Variants in EDA observed in about 807,000 individuals in gnomAD.
EDA encodes the protein ectodysplasin A, also known as ectodysplasin-A.
Under a neutral mutation model 23.6 loss-of-function variants are expected in EDA, and 2 were observed. The observed-to-expected ratio is 0.08, with a 90% confidence interval of 0.03 to 0.27. The LOEUF is 0.27. Ranked by LOEUF, EDA falls within the 10% of genes least tolerant of loss-of-function variation. The pLI is 1.00. For synonymous variants in EDA, 131 were observed against 132.0 expected (o/e 0.99, Z 0.05); for missense variants, 229 against 324.2 (o/e 0.71, Z 2.26).
intron 1 of EDA, among the ~76,000 whole-genome samples, chrX:69,839,086 C>G (rs989269931): frequency 8.9e-6 from 1 of 112,048 alleles, no homozygotes; most frequent in African/African-American, 3.2e-5. Flanking sequence ...TTAGGTCAGA[C>G]CATCCCAATT....
intron 1 of EDA, among the ~76,000 whole-genome samples, chrX:69,835,563 CAGGTCATTTA>C (rs2016750543): frequency 8.9e-6 from 1 of 111,954 alleles, no homozygotes; most frequent in African/African-American, 3.2e-5. Flanking sequence ...TCAGCTCCAT[CAGGTCATTTA>C]AGGTCTTCTC....
intron 1 of EDA, among the ~76,000 whole-genome samples, chrX:69,799,958 G>A (rs1368675662): frequency 1.8e-5 from 2 of 112,155 alleles, no homozygotes; most frequent in Admixed American, 9.5e-5. Flanking sequence ...ATCAAGATAC[G>A]GAGTCAACCT....
intron 1 of EDA, among the ~76,000 whole-genome samples, chrX:69,642,591 A>C (rs748190221): frequency 9.0e-6 from 1 of 111,478 alleles, no homozygotes; most frequent in African/African-American, 3.2e-5. Flanking sequence ...CAGAGTAGAA[A>C]GCTTTGAATT....
chrX:69,917,137 T>C (rs2018358428), intron 1 of EDA, among the ~76,000 whole-genome samples: 1 of 110,868 alleles, frequency 9.0e-6, no homozygotes, highest in Non-Finnish European at 1.9e-5. Context: ...GGTTTTGCCA[T>C]GTTGGCCAGG....
intron 1 of EDA, among the ~76,000 whole-genome samples, chrX:69,730,037 A>AT (rs975119093): frequency 1.8e-5 from 2 of 110,734 alleles, no homozygotes; most frequent in African/African-American, 3.3e-5. Context: ...AATTTTTAAA[A>AT]TTTTTTTGTG....
chrX:69,698,104 G>A (rs2011414891), intron 1 of EDA, among the ~76,000 whole-genome samples: 1 of 111,798 alleles, frequency 8.9e-6, no homozygotes, highest in Admixed American at 9.5e-5. Flanking sequence ...AGCCCAAGTG[G>A]CAGGACCGTG....
At chrX:69,895,124 G>A (rs983736554) in intron 1 of EDA, among the ~76,000 whole-genome samples, 13 of 111,140 alleles carry the variant, frequency 1.2e-4, no homozygotes, top group African/African-American at 2.0e-4. Flanking sequence ...CATGAAGGCT[G>A]TTGAATTTTA....
At chrX:69,825,399 A>T (rs1274446724) in intron 1 of EDA, among the ~76,000 whole-genome samples, 3 of 109,470 alleles carry the variant, frequency 2.7e-5, no homozygotes, top group Non-Finnish European at 5.7e-5. Context: ...CTATTCAGAG[A>T]TTCAACTTCT....
At chrX:69,982,673 C>A (rs5936815) in intron 2 of EDA, among the ~76,000 whole-genome samples, 7,405 of 107,645 alleles carry the variant, frequency 0.069, 268 homozygotes, top group Middle Eastern at 0.15. Context: ...AGCTTTACTT[C>A]CAACTATGTG....
intron 1 of EDA, among the ~76,000 whole-genome samples, chrX:69,877,712 G>A (rs960325788): frequency 8.9e-6 from 1 of 112,002 alleles, no homozygotes; most frequent in Non-Finnish European, 1.9e-5. Flanking sequence ...TATAGATTGT[G>A]CTTTTGGTGT....
intron 1 of EDA, among the ~76,000 whole-genome samples, chrX:69,649,880 C>T (rs1405833886): frequency 8.9e-6 from 1 of 112,190 alleles, no homozygotes; most frequent in African/African-American, 3.2e-5. Flanking sequence ...AGCCACCACA[C>T]CCAGCCAATA....
At chrX:69,789,981 C>G (rs2015353159) in intron 1 of EDA, among the ~76,000 whole-genome samples, 1 of 111,774 alleles carries the variant, frequency 8.9e-6, no homozygotes, top group African/African-American at 3.2e-5. Context: ...TGTTTAAAAA[C>G]ACTTTAGAAG....
At chrX:69,646,439 C>A (rs1287688759) in intron 1 of EDA, among the ~76,000 whole-genome samples, 1 of 111,559 alleles carries the variant, frequency 9.0e-6, no homozygotes, top group Non-Finnish European at 1.9e-5. Flanking sequence ...GTGTAATGCC[C>A]TTTTTTGTCT....
intron 1 of EDA, chrX:69,729,131 T>C (rs2012920420): frequency 1.8e-5 from 2 of 111,335 alleles, no homozygotes; most frequent in South Asian, 7.6e-4. Flanking sequence ...TATCTCTCCT[T>C]TTCACTTTTA....
chrX:69,878,838 G>A (rs1006825201), intron 1 of EDA, among the ~76,000 whole-genome samples: 5 of 109,673 alleles, frequency 4.6e-5, no homozygotes, highest in South Asian at 4.0e-4. Context: ...GTTTAAGTTA[G>A]ACTAATTAGA....
At chrX:69,782,388 A>C (rs1025337668) in intron 1 of EDA, among the ~76,000 whole-genome samples, 8 of 99,881 alleles carry the variant, frequency 8.0e-5, no homozygotes, top group South Asian at 9.0e-4. Flanking sequence ...AAAAAAAAAA[A>C]AAAACATTAA....
intron 1 of EDA, among the ~76,000 whole-genome samples, chrX:69,635,959 C>T (rs1932765669): frequency 9.1e-6 from 1 of 109,874 alleles, no homozygotes; most frequent in African/African-American, 3.3e-5. Context: ...AAAAACTTTC[C>T]TTAACTATTC....
At chrX:69,725,543 A>AT (rs751270596) in intron 1 of EDA, among the ~76,000 whole-genome samples, 26 of 112,197 alleles carry the variant, frequency 2.3e-4, no homozygotes, top group Admixed American at 2.2e-3. Flanking sequence ...TAAGCAATGT[A>AT]TTTTTTGCCA....
chrX:69,688,294 T>G (rs1405271972), intron 1 of EDA, among the ~76,000 whole-genome samples: 1 of 111,888 alleles, frequency 8.9e-6, no homozygotes, highest in Non-Finnish European at 1.9e-5. Context: ...CAGTGAAAAC[T>G]TTCATAGAAG....
Sources: gnomAD v4.1 joint callset for allele counts (sites outside exome capture counted in the v4.1 genomes callset) on GRCh38, gnomAD v4.1.1 for gene constraint, MANE v1.5 for transcripts, NCBI Gene and HGNC (gene_info 2026-07-23, HGNC 2026-07-21) for gene names.